The following RALYL variants were observed in gnomAD, a reference collection of about 807,000 sequenced individuals.
The protein encoded by RALYL is RNA-binding Raly-like protein.
Under a neutral mutation model 35.1 loss-of-function variants are expected in RALYL, and 29 were observed. The observed-to-expected ratio is 0.83, with a 90% CI of 0.61 to 1.13. The LOEUF (loss-of-function observed/expected upper bound fraction) is 1.13, where lower values mean the gene tolerates loss of function less well. RALYL is among the 50% of genes most tolerant of loss of function. The pLI, the probability that RALYL is intolerant of heterozygous loss-of-function variation, is 0.00. For missense variants in RALYL, 359 were observed against 360.4 expected, an observed-to-expected ratio of 1.00 and a Z score of 0.03; for synonymous variants, 120 against 127.6, an observed-to-expected ratio of 0.94 and a Z score of 0.40.
intron 2 of RALYL, among the ~76,000 whole-genome samples, chr8:84,641,382 T>C (rs193154455): frequency 6.6e-6 from 1 of 151,882 alleles, no homozygotes; most frequent in Admixed American, 6.6e-5. Flanking sequence ...ATTTGTCAGA[T>C]GTTAGCATTT....
chr8:84,215,610 C>G (rs936030252), intron 1 of RALYL, among the ~76,000 whole-genome samples: 1 of 151,596 alleles, frequency 6.6e-6, no homozygotes, highest in African/African-American at 2.4e-5. Context: ...ATTTTTCTAT[C>G]TGTAGCTGCT....
intron 2 of RALYL, among the ~76,000 whole-genome samples, chr8:84,684,444 C>T (rs1036785303): frequency 6.6e-6 from 1 of 152,140 alleles, no homozygotes; most frequent in Admixed American, 6.6e-5. Context: ...AAAGCACCGA[C>T]TAGCCTGAGG....
intron 2 of RALYL, among the ~76,000 whole-genome samples, chr8:84,555,651 T>C (rs893924900): frequency 3.9e-5 from 6 of 152,212 alleles, no homozygotes; most frequent in African/African-American, 1.4e-4. Flanking sequence ...TAATAATACG[T>C]TCTAAAGTTT....
rs1331641408 is a variant in RALYL at position 84,710,887 on chromosome 8, A to C, written c.257-63692A>C. Among the ~76,000 whole-genome samples, 4 of 152,218 alleles carry C rather than the reference A, an allele frequency of 2.6e-5. No individual in the cohort carries two copies. The East Asian group carries it at 7.7e-4, about 29-fold the overall frequency. The stretch of plus-strand genomic sequence containing the variant: ...GCAAAACAACATTTTATTGAAGATA[A>C]GATGACACACAAATAAATATGTAAT... On this transcript the variant is annotated intron_variant, in intron 2 of 8. Transcript: ENST00000521268.
intron 1 of RALYL, among the ~76,000 whole-genome samples, chr8:84,484,162 A>G (rs1014821719): frequency 9.2e-5 from 14 of 152,144 alleles, no homozygotes; most frequent in Admixed American, 2.6e-4. Context: ...TTTACATTCA[A>G]TAACTTTAAC....
At chr8:84,301,273 T>C (rs915779428) in intron 1 of RALYL, among the ~76,000 whole-genome samples, 1 of 152,106 alleles carries the variant, frequency 6.6e-6, no homozygotes, top group Non-Finnish European at 1.5e-5. Flanking sequence ...GGGGTTCCCT[T>C]TGTAGGTGAC....
At chr8:84,229,783 A>G (rs866765402) in intron 1 of RALYL, among the ~76,000 whole-genome samples, 1 of 152,182 alleles carries the variant, frequency 6.6e-6, no homozygotes, top group African/African-American at 2.4e-5. Flanking sequence ...TACATATGAA[A>G]ATATAAATTA....
chr8:84,222,657 G>A (rs556671891), intron 1 of RALYL, among the ~76,000 whole-genome samples: 2 of 152,242 alleles, frequency 1.3e-5, no homozygotes, highest in Admixed American at 1.3e-4. Context: ...ATGGGATTAG[G>A]AAAACCTCAC....
At chr8:84,797,966 T>TA (rs1822332381) in intron 3 of RALYL, among the ~76,000 whole-genome samples, 1 of 152,182 alleles carries the variant, frequency 6.6e-6, no homozygotes, top group Non-Finnish European at 1.5e-5. Context: ...CCATGCCAGG[T>TA]ACAGGTTAAT....
intron 1 of RALYL, among the ~76,000 whole-genome samples, chr8:84,411,321 T>G (rs1380469751): frequency 6.6e-6 from 1 of 151,838 alleles, no homozygotes; most frequent in Non-Finnish European, 1.5e-5. Flanking sequence ...TCAGTTGGTG[T>G]TTTACAGTAT....
At chr8:84,219,086 AT>A (rs1228786705) in intron 1 of RALYL, among the ~76,000 whole-genome samples, 6 of 152,088 alleles carry the variant, frequency 3.9e-5, no homozygotes, top group Non-Finnish European at 8.8e-5. Context: ...AAATAAAAAA[AT>A]ACGTACAAGA....
chr8:84,819,496 A>G (rs188776681), intron 4 of RALYL, among the ~76,000 whole-genome samples: 2 of 152,304 alleles, frequency 1.3e-5, no homozygotes, highest in East Asian at 3.9e-4. Context: ...GTATGTGCAT[A>G]TTTTGACAGT....
chr8:84,544,369 A>G (rs193296666), intron 2 of RALYL, among the ~76,000 whole-genome samples: 116 of 152,042 alleles, frequency 7.6e-4, no homozygotes, highest in African/African-American at 2.6e-3. Flanking sequence ...TTTTCTATCT[A>G]CATACTCTCC....
At chr8:84,909,568 G>C (rs2135671291) in intron 8 of RALYL, among the ~76,000 whole-genome samples, 1 of 152,196 alleles carries the variant, frequency 6.6e-6, no homozygotes, top group African/African-American at 2.4e-5. Context: ...CTGTAAATAG[G>C]AGAGAGTGTA....
intron 5 of RALYL, among the ~76,000 whole-genome samples, chr8:84,852,822 G>A (rs1836153019): frequency 6.6e-6 from 1 of 152,162 alleles, no homozygotes; most frequent in African/African-American, 2.4e-5. Flanking sequence ...TCCATAGACA[G>A]AGCAGAGTAT....
chr8:84,633,480 C>T (rs1339213013), intron 2 of RALYL, among the ~76,000 whole-genome samples: 2 of 151,792 alleles, frequency 1.3e-5, no homozygotes, highest in Non-Finnish European at 2.9e-5. Context: ...AATACAGCAA[C>T]TTTTAAGAAA....
intron 2 of RALYL, among the ~76,000 whole-genome samples, chr8:84,562,170 C>T (rs2061505525): frequency 6.6e-6 from 1 of 151,858 alleles, no homozygotes; most frequent in Admixed American, 6.6e-5. Context: ...CTGTAAAATC[C>T]CTTATGTGAA....
chr8:84,696,199 G>A (rs1194567843), intron 2 of RALYL, among the ~76,000 whole-genome samples: 1 of 151,120 alleles, frequency 6.6e-6, no homozygotes, highest in African/African-American at 2.4e-5. Flanking sequence ...CTGAAGTTAA[G>A]TTCATTTAAT....
intron 1 of RALYL, among the ~76,000 whole-genome samples, chr8:84,314,551 A>C (rs1843398119): frequency 6.6e-6 from 1 of 152,148 alleles, no homozygotes; most frequent in African/African-American, 2.4e-5. Context: ...CGAATTGAAG[A>C]AGATAATATG....
Sources: allele counts gnomAD v4.1 joint callset (sites outside exome capture counted in the v4.1 genomes callset), GRCh38; gene constraint gnomAD v4.1.1; transcripts MANE v1.5; gene names NCBI Gene and HGNC (gene_info 2026-07-23, HGNC 2026-07-21).